Variants in ADTRP observed in about 807,000 individuals in gnomAD.
ADTRP encodes androgen-dependent TFPI-regulating protein.
In ADTRP, 20 loss-of-function variants were observed where a neutral mutation model predicts 27.0. The ratio of observed to expected loss-of-function variants is 0.74; its 90% confidence interval spans 0.52 to 1.08. ADTRP has a LOEUF of 1.08. Among genes scored for constraint, ADTRP ranks in the 50% least tolerant of loss-of-function variants. The pLI is 0.00. For missense variants in ADTRP, 251 were observed against 275.0 expected, an observed-to-expected ratio of 0.91 and a Z score of 0.62; for synonymous variants, 101 against 105.2, an observed-to-expected ratio of 0.96 and a Z score of 0.25.
At chr6:11,772,256 G>C (rs1190458793) in intron 1 of ADTRP, among the ~76,000 whole-genome samples, 2 of 152,152 alleles carry the variant, frequency 1.3e-5, no homozygotes, top group Non-Finnish European at 2.9e-5. Flanking sequence ...GAGTTCGTTA[G>C]CTGTCTTTTG....
intron 3 of ADTRP, among the ~76,000 whole-genome samples, chr6:11,751,004 A>G (rs1229660056): frequency 6.6e-6 from 1 of 152,168 alleles, no homozygotes; most frequent in African/African-American, 2.4e-5. Flanking sequence ...GGCATGCATC[A>G]CCACACCTGG....
chr6:11,754,019 C>T (rs1763134086), intron 3 of ADTRP, among the ~76,000 whole-genome samples: 1 of 152,138 alleles, frequency 6.6e-6, no homozygotes, highest in Admixed American at 6.5e-5. Context: ...GCATCTGGGG[C>T]CATTTTAATT....
chr6:11,717,217 G>A (rs1761861766), intron 5 of ADTRP: 1 of 1,215,750 alleles, frequency 8.2e-7, no homozygotes, highest in African/African-American at 1.6e-5. Context: ...TGGCAGATAG[G>A]AAGTTAGATT....
At chr6:11,766,397 A>T (rs1040041831) in intron 2 of ADTRP, 22 bp from the exon 3 acceptor site, 2 of 1,563,134 alleles carry the variant, frequency 1.3e-6, no homozygotes, top group Non-Finnish European at 1.8e-6. Context: ...AACACAAAAA[A>T]TAGCATCATT....
intron 3 of ADTRP, 75 bp from the exon 4 acceptor site, chr6:11,735,758 C>A: frequency 2.0e-6 from 2 of 984,568 alleles, no homozygotes; most frequent in East Asian, 2.5e-5. Context: ...TCTCTGTTCC[C>A]CTTCCAGTCT....
At chr6:11,770,019 G>C in intron 1 of ADTRP, 1 of 1,551,626 alleles carries the variant, frequency 6.4e-7, no homozygotes, top group South Asian at 1.2e-5. Context: ...TTTTACAAAC[G>C]AGGAAACAAA....
chr6:11,756,222 G>T (rs748536905), intron 3 of ADTRP, among the ~76,000 whole-genome samples: 1 of 152,110 alleles, frequency 6.6e-6, no homozygotes. Context: ...TTAGCCAGGC[G>T]TTGCATGTGC....
At chr6:11,735,825 G>C in intron 3 of ADTRP, 142 bp from the exon 4 acceptor site, 1 of 629,296 alleles carries the variant, frequency 1.6e-6, no homozygotes, top group Non-Finnish European at 2.8e-6. Context: ...GATGCCCAAG[G>C]ACCTACCGTG....
Position 11,770,193 on chromosome 6 carries a change from G to C in ADTRP, c.154-1810C>G, listed in dbSNP as rs540005924. ...ATTATCTCCAGGTGGGAGAATGAAC[G>C]ACCACTTCACAAACCACCGCTGCCT... is the stretch of plus-strand genomic sequence containing the variant. On this transcript the variant is annotated intron_variant, in intron 1 of 5. Coordinates refer to ENST00000414691, the MANE Select transcript of ADTRP (RefSeq NM_032744.4). 1.6e-5 allele frequency: 16 copies of C among 1,029,910 alleles called. No individual in the cohort carries two copies. In the South Asian group the frequency reaches 2.2e-4, roughly 14 times the overall value. The allele number at this position is 1,029,910 out of a possible 1,614,324, so 63.8% of individuals were successfully genotyped here.
At position 11,758,581 on chromosome 6, in the gene ADTRP, G is replaced by GTT. The variant is rs1316243529; in HGVS notation, c.390+7692_390+7693insAA. Among the ~76,000 whole-genome samples, 2 of 119,752 alleles carry GTT rather than the reference G, an allele frequency of 1.7e-5. 1 individual carries two copies. Among genetic ancestry groups the GTT allele is most frequent in the Admixed American group, 1.6e-4 (2 of 12,146 alleles). The allele number at this position is 119,752 out of a possible 152,430, so 78.6% of individuals were successfully genotyped here. ...ACCGGGGACTGTTGTGGGGTGGGGG[G>GTT]GGGGGACGGATAGCATTAGGAGGTA... On this transcript the variant is annotated intron_variant, in intron 3 of 5. Coordinates refer to ENST00000414691, the MANE Select transcript of ADTRP (RefSeq NM_032744.4).
chr6:11,777,487 T>TTTGTTG (rs35676270), intron 1 of ADTRP, among the ~76,000 whole-genome samples: 74 of 151,526 alleles, frequency 4.9e-4, no homozygotes, highest in Non-Finnish European at 9.1e-4. Context: ...TGTGTGGTTT[T>TTTGTTG]TTGTTGTTGT....
chr6:11,760,693 T>C (rs755989465), intron 3 of ADTRP, among the ~76,000 whole-genome samples: 9 of 152,228 alleles, frequency 5.9e-5, no homozygotes, highest in African/African-American at 1.7e-4. Context: ...GCAAGCAGTA[T>C]GTCCAGCTGC....
At chr6:11,768,566 G>A (rs919302379) in intron 1 of ADTRP, among the ~76,000 whole-genome samples, 183 bp from the exon 2 acceptor site, 4 of 152,154 alleles carry the variant, frequency 2.6e-5, no homozygotes, top group African/African-American at 7.2e-5. Flanking sequence ...GACCCTGCTC[G>A]CTAAGACTGA....
At chr6:11,755,838 T>A (rs993131939) in intron 3 of ADTRP, among the ~76,000 whole-genome samples, 2 of 152,250 alleles carry the variant, frequency 1.3e-5, no homozygotes, top group African/African-American at 4.8e-5. Flanking sequence ...GTGTGGTGAA[T>A]GATTCCACTT....
intron 3 of ADTRP, among the ~76,000 whole-genome samples, chr6:11,752,716 T>C (rs1260404606): frequency 2.0e-5 from 3 of 152,210 alleles, no homozygotes; most frequent in Non-Finnish European, 4.4e-5. Context: ...CACACATCTA[T>C]TTGAAACTAC....
In ADTRP at chr6:11,717,212, G is replaced by T. The variant is rs933584725; in HGVS notation, c.659-2700C>A. The T allele has an allele frequency of 6.7e-6, 8 of 1,194,662 alleles. No homozygotes were observed. In the African/African-American group the frequency reaches 1.3e-4, roughly 19 times the overall value. The allele number at this position is 1,194,662 out of a possible 1,614,324, so 74.0% of individuals were successfully genotyped here. The stretch of plus-strand genomic sequence containing the variant: ...CCAGTAGAAAGTATCCTAGTTGGCA[G>T]ATAGGAAGTTAGATTCACCCCGACT... On this transcript the variant is annotated intron_variant, in intron 5 of 5. Coordinates refer to ENST00000414691, the MANE Select transcript of ADTRP (RefSeq NM_032744.4).
In ADTRP at chr6:11,723,496, G is replaced by C. The variant is rs780698291; in HGVS notation, c.511C>G (p.Leu171Val). ...GTACCCGTCTCAAAGTAGAGCCATA[G>C]GATGCTGCAGGAAATAAGAAGTCGT... is the stretch of plus-strand genomic sequence containing the variant. ...AASIAYISRI[L>V]WLYFETGTWV... The change falls in exon 5 of 6, where the codon CTA (leucine) becomes GTA (valine). Residue 171 changes from leucine (L) to valine (V), a missense_variant. Transcript: ENST00000414691. 1.2e-6 allele frequency: 2 copies of C among 1,613,240 alleles called. No individual in the cohort carries two copies. Among genetic ancestry groups the C allele is most frequent in the Non-Finnish European group, 1.7e-6 (2 of 1,179,852 alleles).
chr6:11,754,134 C>A (rs1389236480), intron 3 of ADTRP, among the ~76,000 whole-genome samples: 2 of 152,158 alleles, frequency 1.3e-5, no homozygotes, highest in Non-Finnish European at 2.9e-5. Context: ...TTGAGCAGAC[C>A]TTTTACTCAC....
intron 3 of ADTRP, among the ~76,000 whole-genome samples, chr6:11,739,624 C>T (rs1297650869): frequency 6.6e-6 from 1 of 152,188 alleles, no homozygotes; most frequent in African/African-American, 2.4e-5. Flanking sequence ...AAAATTTGTA[C>T]AGGGTTGCAT....
Sources: allele counts gnomAD v4.1 joint callset (sites outside exome capture counted in the v4.1 genomes callset), GRCh38; gene constraint gnomAD v4.1.1; transcripts MANE v1.5; gene names NCBI Gene and HGNC (gene_info 2026-07-23, HGNC 2026-07-21).